The following DAB1 variants were observed in gnomAD, a reference collection of about 807,000 sequenced individuals.
The protein encoded by DAB1 is DAB adaptor protein 1.
DAB1 carries 15 observed loss-of-function variants against 64.6 expected under a neutral mutation model. That is an observed-to-expected ratio of 0.23 (90% CI 0.16 to 0.36). The LOEUF (loss-of-function observed/expected upper bound fraction) is 0.36. Among genes scored for constraint, DAB1 ranks in the 10% least tolerant of loss-of-function variants. The probability of loss-of-function intolerance (pLI) is 1.00; values close to 1 mark genes in which losing one functional copy is unlikely to be tolerated. For missense variants in DAB1, 596 were observed against 706.7 expected, an observed-to-expected ratio of 0.84 and a Z score of 1.78; for synonymous variants, 235 against 251.9, an observed-to-expected ratio of 0.93 and a Z score of 0.64.
chr1:57,586,331 G>T (rs769992801), intron 7 of DAB1, among the ~76,000 whole-genome samples: 1 of 152,126 alleles, frequency 6.6e-6, no homozygotes, highest in Non-Finnish European at 1.5e-5. Context: ...TGGGTGAATT[G>T]ATGCCCTCCA....
chr1:57,877,154 G>A (rs77539463), intron 1 of DAB1, among the ~76,000 whole-genome samples: 2 of 152,246 alleles, frequency 1.3e-5, no homozygotes, highest in East Asian at 3.9e-4. Flanking sequence ...TTACAAATGA[G>A]GTTCAGAGTG....
chr1:58,229,274 G>T (rs533938917), intron 4 of DAB1, among the ~76,000 whole-genome samples: 1 of 152,148 alleles, frequency 6.6e-6, no homozygotes, highest in Admixed American at 6.6e-5. Context: ...TGGCCTAAAA[G>T]TTAAAATTGT....
intron 9 of DAB1, among the ~76,000 whole-genome samples, chr1:57,028,746 G>A (rs1228188875): frequency 6.6e-6 from 1 of 152,174 alleles, no homozygotes; most frequent in Non-Finnish European, 1.5e-5. Context: ...TTTTGCCCCT[G>A]TCCTAGAGAC....
intron 4 of DAB1, among the ~76,000 whole-genome samples, chr1:57,072,878 C>T (rs1290486355): frequency 6.6e-6 from 1 of 152,212 alleles, no homozygotes; most frequent in African/African-American, 2.4e-5. Context: ...GGTGACAACA[C>T]TTTTCCAGCT....
intron 1 of DAB1, among the ~76,000 whole-genome samples, chr1:57,352,296 G>C (rs1220356458): frequency 6.6e-6 from 1 of 152,100 alleles, no homozygotes; most frequent in Non-Finnish European, 1.5e-5. Flanking sequence ...CCATGTTTCT[G>C]ATAATGATTA....
intron 3 of DAB1, among the ~76,000 whole-genome samples, chr1:58,368,784 T>A (rs1644238522): frequency 6.6e-6 from 1 of 152,122 alleles, no homozygotes; most frequent in East Asian, 1.9e-4. Flanking sequence ...CACTGGAAAC[T>A]TCTCTGTCCA....
intron 4 of DAB1, among the ~76,000 whole-genome samples, chr1:57,075,604 T>C (rs1651917029): frequency 6.6e-6 from 1 of 152,210 alleles, no homozygotes; most frequent in South Asian, 2.1e-4. Context: ...TTTAGAAACT[T>C]AGAGTATCAT....
At chr1:58,036,103 C>T (rs146232604) in intron 5 of DAB1, among the ~76,000 whole-genome samples, 90 of 152,236 alleles carry the variant, frequency 5.9e-4, no homozygotes, top group Middle Eastern at 3.4e-3. Flanking sequence ...GTCGGGAAAC[C>T]GGGGTAGGAA....
chr1:58,187,049 CT>C (rs1253421814), intron 4 of DAB1, among the ~76,000 whole-genome samples: 1 of 152,180 alleles, frequency 6.6e-6, no homozygotes, highest in African/African-American at 2.4e-5. Context: ...TTACTGCAAT[CT>C]GCCACTGCAC....
intron 7 of DAB1, among the ~76,000 whole-genome samples, chr1:57,616,878 C>A (rs1645796099): frequency 6.6e-6 from 1 of 152,144 alleles, no homozygotes; most frequent in Non-Finnish European, 1.5e-5. Context: ...ACAGGACTAG[C>A]AGGTCTGCCA....
intron 5 of DAB1, among the ~76,000 whole-genome samples, chr1:58,100,077 G>A (rs144160961): frequency 2.6e-3 from 394 of 151,586 alleles, no homozygotes; most frequent in Non-Finnish European, 4.5e-3. Context: ...TTTTTTTATC[G>A]TGGTAAAAGA....
chr1:57,937,342 C>G (rs1350746780), intron 5 of DAB1, among the ~76,000 whole-genome samples: 2 of 152,122 alleles, frequency 1.3e-5, no homozygotes, highest in East Asian at 3.9e-4. Context: ...TTAGTCCAGT[C>G]TAGAATCTCT....
chr1:57,965,102 C>T (rs2100287728), intron 5 of DAB1, among the ~76,000 whole-genome samples: 1 of 104,564 alleles, frequency 9.6e-6, no homozygotes, highest in East Asian at 2.0e-4. Flanking sequence ...TTGAAGGCCA[C>T]ACAATAGACA....
rs545928093 is a variant in DAB1 at position 58,298,295 on chromosome 1, T to C, written n.309+45057A>G. 7.8e-4 allele frequency among the ~76,000 whole-genome samples: 119 copies of C among 152,320 alleles called. 1 individual carries two copies. Among genetic ancestry groups the C allele is most frequent in the Middle Eastern group, 6.8e-3 (2 of 294 alleles). Reference sequence around the variant, plus strand: ...TGTAACAGGTGCACAGGATTACATGTTAAAGTTTGTTGACTGATTCCACCA... The same window carrying C: ...TGTAACAGGTGCACAGGATTACATGCTAAAGTTTGTTGACTGATTCCACCA... On this transcript the variant is annotated intron_variant and non_coding_transcript_variant, in intron 4 of 20. Transcript: ENST00000485760.
chr1:57,281,075 C>T (rs551390055), intron 2 of DAB1, among the ~76,000 whole-genome samples: 1 of 152,002 alleles, frequency 6.6e-6, no homozygotes, highest in South Asian at 2.1e-4. Flanking sequence ...TAAGTTCATT[C>T]ATTTACTCCC....
At chr1:57,039,321 C>T (rs898059982) in intron 9 of DAB1, among the ~76,000 whole-genome samples, 1 of 152,050 alleles carries the variant, frequency 6.6e-6, no homozygotes, top group East Asian at 1.9e-4. Flanking sequence ...CAACAGGTGT[C>T]ATTTCCCTTT....
chr1:57,920,500 T>C (rs1026505420), intron 5 of DAB1, among the ~76,000 whole-genome samples: 18 of 152,074 alleles, frequency 1.2e-4, no homozygotes, highest in Non-Finnish European at 2.6e-4. Context: ...TTTCTTTTTT[T>C]TGAAACAGGG....
At chr1:57,227,563 T>TGTGTGTGTGTGTG (rs1553158372) in intron 2 of DAB1, among the ~76,000 whole-genome samples, 1 of 82,558 alleles carries the variant, frequency 1.2e-5, no homozygotes, top group Non-Finnish European at 2.8e-5. Flanking sequence ...GTGTGTGTGT[T>TGTGTGTGTGTGTG]TGGTTTTGTT....
chr1:58,240,382 G>A (rs986840992), intron 4 of DAB1, among the ~76,000 whole-genome samples: 11 of 152,116 alleles, frequency 7.2e-5, no homozygotes, highest in African/African-American at 2.7e-4. Context: ...AGGATATGGT[G>A]ACACACCATC....
Sources: allele counts gnomAD v4.1 joint callset (sites outside exome capture counted in the v4.1 genomes callset), GRCh38; gene constraint gnomAD v4.1.1; transcripts MANE v1.5; gene names NCBI Gene and HGNC (gene_info 2026-07-23, HGNC 2026-07-21).